RPS6KC1: variants seen among roughly 807,000 people sequenced by gnomAD.
The protein encoded by RPS6KC1 is ribosomal protein S6 kinase C1, also known as inactive ribosomal protein S6 kinase delta-1.
Under a neutral mutation model 103.8 loss-of-function variants are expected in RPS6KC1, and 54 were observed. The observed-to-expected ratio is 0.52, with a 90% CI of 0.42 to 0.65. The LOEUF is 0.65. Ranked by LOEUF, RPS6KC1 falls within the 30% of genes least tolerant of loss-of-function variation. RPS6KC1 has a pLI of 0.00. For missense variants in RPS6KC1, 1,151 were observed against 1,253.8 expected (o/e 0.92, Z 1.24); for synonymous variants, 439 against 438.7 (o/e 1.00, Z -0.01).
the RPS6KC1 span, among the ~76,000 whole-genome samples, chr1:213,316,996 C>G: frequency 6.6e-6 from 1 of 151,838 alleles, no homozygotes; most frequent in Non-Finnish European, 1.5e-5. Flanking sequence ...GGTGAGGGGT[C>G]TTATAGGAGC....
the RPS6KC1 span, among the ~76,000 whole-genome samples, chr1:213,467,129 C>T: frequency 6.6e-6 from 1 of 151,980 alleles, no homozygotes; most frequent in African/African-American, 2.4e-5. Context: ...GTCTGTGTTC[C>T]CAGAGCCTAC....
At chr1:213,128,727 C>T (rs773875039) in intron 5 of RPS6KC1, among the ~76,000 whole-genome samples, 10 of 152,086 alleles carry the variant, frequency 6.6e-5, no homozygotes, top group African/African-American at 1.7e-4. Flanking sequence ...TTTCCAGTTA[C>T]GGATGGTTAC....
chr1:213,099,297 CTT>C (rs1272447382), intron 3 of RPS6KC1, among the ~76,000 whole-genome samples: 1 of 152,052 alleles, frequency 6.6e-6, no homozygotes, highest in African/African-American at 2.4e-5. Flanking sequence ...TTGTAGTAGA[CTT>C]TACGCAACAT....
At chr1:213,559,560 A>C in the RPS6KC1 span, among the ~76,000 whole-genome samples, 2 of 152,210 alleles carry the variant, frequency 1.3e-5, no homozygotes, top group African/African-American at 4.8e-5. Flanking sequence ...TAAATGATAC[A>C]TGCCTCACCT....
the RPS6KC1 span, among the ~76,000 whole-genome samples, chr1:213,304,101 G>C: frequency 1.3e-5 from 2 of 150,066 alleles, no homozygotes; most frequent in Non-Finnish European, 1.5e-5. Flanking sequence ...AGCTACTTGG[G>C]AGGCTGAGGC....
At chr1:213,773,973 G>C in the RPS6KC1 span, among the ~76,000 whole-genome samples, 1 of 152,216 alleles carries the variant, frequency 6.6e-6, no homozygotes, top group Non-Finnish European at 1.5e-5. Flanking sequence ...TCCACCTCTT[G>C]TGTAAAGCAT....
chr1:213,541,462 A>G, the RPS6KC1 span, among the ~76,000 whole-genome samples: 1 of 152,076 alleles, frequency 6.6e-6, no homozygotes, highest in Admixed American at 6.5e-5. Flanking sequence ...CAGACCTTCA[A>G]TTTGTTAAAA....
At chr1:213,436,423 T>C in the RPS6KC1 span, among the ~76,000 whole-genome samples, 3 of 152,256 alleles carry the variant, frequency 2.0e-5, no homozygotes, top group African/African-American at 7.2e-5. Context: ...TATTGTTCTG[T>C]ATAGTATAAC....
At chr1:213,525,681 G>T in the RPS6KC1 span, among the ~76,000 whole-genome samples, 1 of 152,140 alleles carries the variant, frequency 6.6e-6, no homozygotes, top group Non-Finnish European at 1.5e-5. Flanking sequence ...AGAAAACATT[G>T]TCTCAGGTTA....
the RPS6KC1 span, among the ~76,000 whole-genome samples, chr1:213,677,048 C>T: frequency 6.6e-6 from 1 of 152,324 alleles, no homozygotes; most frequent in South Asian, 2.1e-4. Flanking sequence ...AGGATCCTTC[C>T]TGTGATCCAT....
At chr1:213,819,949 G>A in the RPS6KC1 span, 1 of 152,192 alleles carries the variant, frequency 6.6e-6, no homozygotes, top group Non-Finnish European at 1.5e-5. Context: ...GGGTGGGGGT[G>A]TTGGCAACTG....
intron 14 of RPS6KC1, among the ~76,000 whole-genome samples, chr1:213,264,248 C>T (rs1013272186): frequency 9.2e-5 from 14 of 151,754 alleles, no homozygotes; most frequent in African/African-American, 3.4e-4. Context: ...TATAAAGAAA[C>T]AATCAGGTTG....
chr1:213,839,872 G>T, the RPS6KC1 span: 1 of 152,130 alleles, frequency 6.6e-6, no homozygotes, highest in Non-Finnish European at 1.5e-5. Flanking sequence ...TAGTTAAAAA[G>T]CCTAGAACAG....
chr1:213,329,893 G>A, the RPS6KC1 span, among the ~76,000 whole-genome samples: 5 of 151,866 alleles, frequency 3.3e-5, no homozygotes, highest in Non-Finnish European at 7.4e-5. Flanking sequence ...CTTTCACATA[G>A]GAAGGAGCTG....
chr1:213,364,704 A>T, the RPS6KC1 span, among the ~76,000 whole-genome samples: 1 of 152,174 alleles, frequency 6.6e-6, no homozygotes, highest in Admixed American at 6.5e-5. Flanking sequence ...CTGTAATTGC[A>T]GCATGTTGGG....
At chr1:213,052,137 G>T (rs1468865690) in intron 1 of RPS6KC1, among the ~76,000 whole-genome samples, 2 of 152,132 alleles carry the variant, frequency 1.3e-5, no homozygotes, top group Admixed American at 6.5e-5. Context: ...TCAACTAACT[G>T]GTCCAATTTT....
the RPS6KC1 span, among the ~76,000 whole-genome samples, chr1:213,281,641 G>A: frequency 1.3e-5 from 2 of 152,170 alleles, no homozygotes; most frequent in Middle Eastern, 3.2e-3. Flanking sequence ...AGCAGGGAGC[G>A]ACAGCCATCC....
intron 3 of RPS6KC1, among the ~76,000 whole-genome samples, chr1:213,092,383 T>G (rs1354778900): frequency 6.6e-6 from 1 of 152,018 alleles, no homozygotes; most frequent in Non-Finnish European, 1.5e-5. Flanking sequence ...TGAAATACAC[T>G]TGTATGGGCC....
the RPS6KC1 span, among the ~76,000 whole-genome samples, chr1:213,823,081 A>C: frequency 6.6e-6 from 1 of 151,992 alleles, no homozygotes; most frequent in African/African-American, 2.4e-5. Flanking sequence ...TGCCTGCTTC[A>C]CTCAGCTATA....
Sources: gnomAD v4.1 joint callset for allele counts (sites outside exome capture counted in the v4.1 genomes callset) on GRCh38, gnomAD v4.1.1 for gene constraint, MANE v1.5 for transcripts, NCBI Gene and HGNC (gene_info 2026-07-23, HGNC 2026-07-21) for gene names.